Variants in ITGA8 observed in about 807,000 individuals in gnomAD.
ITGA8 encodes the protein integrin alpha-8.
ITGA8 carries 91 observed loss-of-function variants against 142.3 expected under a neutral mutation model. The observed-to-expected ratio is 0.64, with a 90% CI of 0.54 to 0.76. The LOEUF (loss-of-function observed/expected upper bound fraction) is 0.76, where lower values mean the gene tolerates loss of function less well. Ranked by LOEUF, ITGA8 falls within the 30% of genes least tolerant of loss-of-function variation. The pLI is 0.00. For synonymous variants in ITGA8, 505 were observed against 485.2 expected (o/e 1.04, Z -0.54); for missense variants, 1,406 against 1,327.7 (o/e 1.06, Z -0.92).
chr10:15,575,612 C>T lies in ITGA8; in HGVS notation c.2373-18G>A. ...GTGACACTCTGAAACATGAAATGTC[C>T]TGTTAATTGTTAGCAATGGCCCAGG... is the stretch of plus-strand genomic sequence containing the variant. On this transcript the variant is annotated intron_variant, in intron 23 of 29. Coordinates refer to ENST00000378076, the MANE Select transcript of ITGA8 (RefSeq NM_003638.3). The T allele has an allele frequency of 6.3e-7, 1 of 1,590,384 alleles. No homozygotes were observed. Among genetic ancestry groups the T allele is most frequent in the Non-Finnish European group, 8.6e-7 (1 of 1,158,660 alleles).
chr10:15,674,218 G>A (rs1008491637), intron 6 of ITGA8, among the ~76,000 whole-genome samples: 1 of 152,166 alleles, frequency 6.6e-6, no homozygotes, highest in Non-Finnish European at 1.5e-5. Context: ...GAATTTGCCA[G>A]TTGTCTCTGG....
chr10:15,668,870 A>G (rs1834450725), intron 8 of ITGA8, among the ~76,000 whole-genome samples: 1 of 152,200 alleles, frequency 6.6e-6, no homozygotes. Flanking sequence ...TGGCTAGTAG[A>G]GTTTCTGCTG....
chr10:15,531,199 A>G (rs766964437), intron 27 of ITGA8, 48 bp from the exon 28 acceptor site: 1 of 997,424 alleles, frequency 1.0e-6, no homozygotes, highest in South Asian at 2.3e-5. Context: ...AAAGTTTTTA[A>G]GAGTTATACT....
rs182093088 is a variant in ITGA8, at chr10:15,598,697, C to T, written c.2119-1398G>A. ...ACAATGAAACAGACAAGTATGCAAC[C>T]AAGTATAAAACCCTGCCCCCAGAAT... On this transcript the variant is annotated intron_variant, in intron 20 of 29. Coordinates refer to ENST00000378076, the MANE Select transcript of ITGA8 (RefSeq NM_003638.3). Among the ~76,000 whole-genome samples the T allele has an allele frequency of 2.0e-5, 3 of 152,248 alleles. No individual in the cohort carries two copies. In the East Asian group the frequency reaches 5.8e-4, roughly 29 times the overall value.
At chr10:15,557,932 G>C in intron 26 of ITGA8, 142 bp downstream of exon 26, 1 of 1,049,028 alleles carries the variant, frequency 9.5e-7, no homozygotes, top group Non-Finnish European at 1.4e-6. Flanking sequence ...TTTCATTCTC[G>C]AGATAAACAC....
chr10:15,595,959 G>A (rs775644128), intron 21 of ITGA8, among the ~76,000 whole-genome samples: 4 of 152,186 alleles, frequency 2.6e-5, no homozygotes, highest in Non-Finnish European at 5.9e-5. Context: ...GGCTGAGCAG[G>A]AGAATCACTT....
chr10:15,534,955 C>T (rs7069498), intron 27 of ITGA8, among the ~76,000 whole-genome samples: 2 of 152,142 alleles, frequency 1.3e-5, no homozygotes, highest in Non-Finnish European at 2.9e-5. Context: ...CTCAGCTTGC[C>T]GGGAGGTGTG....
chr10:15,596,393 TC>T (rs1299807661), intron 21 of ITGA8: 3 of 152,156 alleles, frequency 2.0e-5, no homozygotes, highest in African/African-American at 7.2e-5. Flanking sequence ...AATACTTGAC[TC>T]ACAGGGTTGT....
chr10:15,559,288 T>C lies in ITGA8; in HGVS notation c.2638-1086A>G, dbSNP rs533986218. ...TTCACTCCAGCATGCTAACCTGCTC[T>C]TCGTTCCCGATGGCCCCAGGTACAC... On this transcript the variant is annotated intron_variant, in intron 25 of 29. Transcript: ENST00000378076. Among the ~76,000 whole-genome samples the C allele has an allele frequency of 2.0e-5, 3 of 152,342 alleles. No individual in the cohort carries two copies. In the South Asian group the frequency reaches 6.2e-4, roughly 32 times the overall value.
intron 26 of ITGA8, among the ~76,000 whole-genome samples, chr10:15,552,145 T>C (rs1833802226): frequency 6.7e-6 from 1 of 149,426 alleles, no homozygotes; most frequent in Non-Finnish European, 1.5e-5. Flanking sequence ...TTTTCTTTCT[T>C]TTTTTTTTTG....
chr10:15,644,482 AT>A (rs1564389027), intron 12 of ITGA8, among the ~76,000 whole-genome samples: 533 of 9,020 alleles, frequency 0.059, 34 homozygotes, highest in Non-Finnish European at 0.087. Flanking sequence ...ATATATATAT[AT>A]ATATATATAG....
intron 6 of ITGA8, among the ~76,000 whole-genome samples, chr10:15,673,847 A>C (rs1187620414): frequency 6.7e-6 from 1 of 148,776 alleles, no homozygotes; most frequent in Admixed American, 6.6e-5. Context: ...CACTGTCAGA[A>C]GTCTTGAAAT....
At chr10:15,718,597 A>C (rs1339076192) in intron 2 of ITGA8, among the ~76,000 whole-genome samples, 169 bp downstream of exon 2, 1 of 152,192 alleles carries the variant, frequency 6.6e-6, no homozygotes, top group African/African-American at 2.4e-5. Context: ...TCCTTCAGTT[A>C]ACTGAGAGTT....
intron 27 of ITGA8, among the ~76,000 whole-genome samples, chr10:15,536,804 G>C (rs1021118583): frequency 1.3e-5 from 2 of 152,128 alleles, no homozygotes; most frequent in Non-Finnish European, 2.9e-5. Context: ...TTTGCTTATA[G>C]GCATGGTACC....
intron 11 of ITGA8, among the ~76,000 whole-genome samples, chr10:15,647,471 T>C (rs1378203795): frequency 1.4e-5 from 2 of 146,970 alleles, no homozygotes; most frequent in African/African-American, 5.0e-5. Flanking sequence ...TTTTTTTTTT[T>C]TTGAGACGGA....
At chr10:15,671,470 A>G (rs892414671) in intron 8 of ITGA8, 133 bp downstream of exon 8, 4 of 684,598 alleles carry the variant, frequency 5.8e-6, no homozygotes, top group East Asian at 2.7e-5. Context: ...TCTACAAAGT[A>G]TAGGCACTCT....
chr10:15,524,568 C>T (rs1833131617), intron 28 of ITGA8, among the ~76,000 whole-genome samples: 1 of 152,194 alleles, frequency 6.6e-6, no homozygotes, highest in South Asian at 2.1e-4. Flanking sequence ...GTGACATATT[C>T]ATGTCTCTAA....
chr10:15,618,868 C>T (rs1833441367), intron 13 of ITGA8, among the ~76,000 whole-genome samples: 1 of 152,152 alleles, frequency 6.6e-6, no homozygotes, highest in African/African-American at 2.4e-5. Context: ...TAATAAATTC[C>T]CCTTTATATG....
chr10:15,607,860 A>G, intron 16 of ITGA8, 29 bp from the exon 17 acceptor site: 10 of 1,590,452 alleles, frequency 6.3e-6, no homozygotes, highest in South Asian at 2.2e-5. Flanking sequence ...GTAGAGAAAA[A>G]GTATTCAGTG....
Sources: gnomAD v4.1 joint callset for allele counts (sites outside exome capture counted in the v4.1 genomes callset) on GRCh38, gnomAD v4.1.1 for gene constraint, MANE v1.5 for transcripts, NCBI Gene and HGNC (gene_info 2026-07-23, HGNC 2026-07-21) for gene names.